The following CCDC38 variants were observed in gnomAD, a reference collection of about 807,000 sequenced individuals.
CCDC38 encodes the protein coiled-coil domain-containing protein 38.
Under a neutral mutation model 72.8 loss-of-function variants are expected in CCDC38, and 69 were observed. The ratio of observed to expected loss-of-function variants is 0.95; its 90% CI spans 0.78 to 1.16. CCDC38 has a LOEUF of 1.16. Among genes scored for constraint, CCDC38 ranks in the 50% most tolerant of loss-of-function variants. CCDC38 has a pLI of 0.00. For missense variants in CCDC38, 626 were observed against 638.9 expected (o/e 0.98, Z 0.22); for synonymous variants, 201 against 213.2 (o/e 0.94, Z 0.50).
chr12:95,927,115 T>G (rs1234719532), intron 2 of CCDC38, among the ~76,000 whole-genome samples: 1 of 152,134 alleles, frequency 6.6e-6, no homozygotes, highest in Non-Finnish European at 1.5e-5. Context: ...TTCTGTCTCA[T>G]TGATCTGTCT....
intron 10 of CCDC38, among the ~76,000 whole-genome samples, chr12:95,882,482 T>A (rs2079711839): frequency 6.6e-6 from 1 of 152,014 alleles, no homozygotes; most frequent in Non-Finnish European, 1.5e-5. Flanking sequence ...TCATGTTGAG[T>A]TTGAGGGGAC....
intron 2 of CCDC38, among the ~76,000 whole-genome samples, chr12:95,932,703 G>A (rs1004906715): frequency 1.3e-5 from 2 of 152,112 alleles, no homozygotes; most frequent in Non-Finnish European, 2.9e-5. Flanking sequence ...AATTCTCCAC[G>A]AATGATCAAT....
At chr12:95,867,247 G>C in intron 15 of CCDC38, 58 bp from the exon 16 acceptor site, 1 of 836,698 alleles carries the variant, frequency 1.2e-6, no homozygotes, top group Non-Finnish European at 2.0e-6. Context: ...ATTTTCTATT[G>C]AAATTTGTGA....
At chr12:95,932,890 A>G (rs1376887413) in intron 2 of CCDC38, among the ~76,000 whole-genome samples, 1 of 152,196 alleles carries the variant, frequency 6.6e-6, no homozygotes, top group African/African-American at 2.4e-5. Flanking sequence ...CAGTAAAGGG[A>G]AAGACAAATT....
rs772170372 is a variant in CCDC38 at position 95,878,236 on chromosome 12, A to G, written c.1253T>C (p.Phe418Ser). Residue 418 changes from phenylalanine (F) to serine (S), a missense_variant, in exon 13 of 16, where the codon TTT becomes TCT. Phe to Ser is a radical substitution (Grantham distance 155). Coordinates refer to ENST00000344280, the MANE Select transcript of CCDC38 (RefSeq NM_182496.3). The part of the protein sequence containing the change: ...ELQLKSKLFS[F>S]GEFNSDAQEI... The stretch of plus-strand genomic sequence containing the variant: ...CTGAGCATCTGAATTAAATTCTCCA[A>G]AGCTAAAGAGCTTGGACTTTAATTG... 1 of 1,613,480 alleles carries G rather than the reference A, an allele frequency of 6.2e-7. No individual in the cohort carries two copies. Among genetic ancestry groups the G allele is most frequent in the African/African-American group, 1.3e-5 (1 of 75,028 alleles).
intron 14 of CCDC38, 179 bp from the exon 15 acceptor site, chr12:95,869,752 A>G: frequency 3.7e-6 from 2 of 540,156 alleles, no homozygotes; most frequent in Non-Finnish European, 3.2e-6. Flanking sequence ...CTCGACAACA[A>G]ATACTATTTT....
In CCDC38 at chr12:95,873,312, A is replaced by G. The variant is rs183279331; in HGVS notation, c.1279-852T>C. Among the ~76,000 whole-genome samples the G allele has an allele frequency of 4.9e-4, 75 of 152,352 alleles. 1 individual carries two copies. Among genetic ancestry groups the G allele is most frequent in the Non-Finnish European group, 9.8e-4 (67 of 68,034 alleles). On this transcript the variant is annotated intron_variant, in intron 13 of 15. Coordinates refer to ENST00000344280, the MANE Select transcript of CCDC38 (RefSeq NM_182496.3). ...TGCTTTGCACATAACTACGCACTGA[A>G]TAAATGTTTGCTGAATAAATGACTA...
chr12:95,920,897 G>A (rs957776041), intron 2 of CCDC38, among the ~76,000 whole-genome samples: 2 of 152,152 alleles, frequency 1.3e-5, no homozygotes, highest in Non-Finnish European at 2.9e-5. Flanking sequence ...CGGAGGCCGA[G>A]GTGGGTGGAT....
At chr12:95,917,436 A>C in intron 3 of CCDC38, 142 bp from the exon 4 acceptor site, 1 of 644,618 alleles carries the variant, frequency 1.6e-6, no homozygotes, top group Non-Finnish European at 2.5e-6. Context: ...CTTTGAAGGA[A>C]TGTGTGTTGT....
At chr12:95,908,797 CTT>C (rs1358557082) in intron 4 of CCDC38, among the ~76,000 whole-genome samples, 1 of 151,798 alleles carries the variant, frequency 6.6e-6, no homozygotes. Flanking sequence ...TACCAAAGCT[CTT>C]AGGCAAAATC....
At position 95,895,096 on chromosome 12, in the gene CCDC38, A is replaced by G. The variant is rs2121467711; in HGVS notation, c.665T>C (p.Phe222Ser). Residue 222 changes from phenylalanine (F) to serine (S), a missense_variant, in exon 8 of 16, where the codon TTT becomes TCT. Phe to Ser is a radical substitution (Grantham distance 155). Transcript: ENST00000344280. ...FLLREYMKYG[F>S]FLLQMSPKHW... The stretch of plus-strand genomic sequence containing the variant: ...TTTTGGAGACATTTGCAGCAGAAAA[A>G]AACCATATTTCATATACTCCCTGAG... 6.2e-7 allele frequency: 1 copy of G among 1,612,948 alleles called. No homozygotes were observed. Among genetic ancestry groups the G allele is most frequent in the South Asian group, 1.1e-5 (1 of 90,676 alleles).
Position 95,879,696 on chromosome 12 carries a change from C to G in CCDC38, c.1090G>C (p.Asp364His), listed in dbSNP as rs1404690518. Residue 364 changes from aspartate to histidine, a missense_variant, in exon 12 of 16, where the codon GAT (aspartate) becomes CAT (histidine). Transcript: ENST00000344280. This position sits in a 1 kb window ranked among gnomAD's most constrained non-coding sequence, Gnocchi z 5.5. ...LTLFQYSQDV[D>H]ENLEEVNKRE... ...TTGTTTACCTCTTCAAGATTTTCAT[C>G]TACATCTTGGGAATATTGAAACAAA... 3.7e-6 allele frequency: 6 copies of G among 1,606,648 alleles called. No individual in the cohort carries two copies. Among genetic ancestry groups the G allele is most frequent in the Non-Finnish European group, 4.3e-6 (5 of 1,173,842 alleles).
intron 10 of CCDC38, among the ~76,000 whole-genome samples, chr12:95,886,714 G>T (rs1477876747): frequency 6.6e-6 from 1 of 152,170 alleles, no homozygotes; most frequent in Non-Finnish European, 1.5e-5. Flanking sequence ...GACAAGATGC[G>T]CAACATCATT....
chr12:95,906,474 CTTAAG>C (rs1206492755), intron 4 of CCDC38, 23 bp from the exon 5 acceptor site: 2 of 1,567,034 alleles, frequency 1.3e-6, no homozygotes, highest in Non-Finnish European at 1.8e-6. Flanking sequence ...TTGAAATAGA[CTTAAG>C]TTTAGTTCAT....
At chr12:95,943,108 T>C, upstream of CCDC38, 1 of 364,616 alleles carries the variant, frequency 2.7e-6, no homozygotes. Context: ...TAAGTTTCCT[T>C]ATCTGAAAAG....
intron 2 of CCDC38, chr12:95,933,667 T>C (rs1450584942): frequency 6.6e-6 from 1 of 152,246 alleles, no homozygotes; most frequent in African/African-American, 2.4e-5. Context: ...GATTCAGCAA[T>C]TCTATTCCTA....
At chr12:95,870,505 C>T (rs2079570025) in intron 14 of CCDC38, among the ~76,000 whole-genome samples, 2 of 152,142 alleles carry the variant, frequency 1.3e-5, no homozygotes, top group South Asian at 4.1e-4. Flanking sequence ...GTGTTAGGTG[C>T]CCCAAACCAT....
chr12:95,913,917 G>A (rs368568165), intron 4 of CCDC38, among the ~76,000 whole-genome samples: 14 of 151,568 alleles, frequency 9.2e-5, no homozygotes, highest in African/African-American at 2.4e-4. Flanking sequence ...CGTGAGCCAC[G>A]TTCATCAGAC....
At chr12:95,883,582 TTGCCCTCCCA>T (rs1235356507) in intron 10 of CCDC38, among the ~76,000 whole-genome samples, 1 of 152,188 alleles carries the variant, frequency 6.6e-6, no homozygotes, top group African/African-American at 2.4e-5. Flanking sequence ...GATCCTGCCC[TTGCCCTCCCA>T]TGCCCTCACC....
Sources: gnomAD v4.1 joint callset for allele counts (sites outside exome capture counted in the v4.1 genomes callset) on GRCh38, gnomAD v4.1.1 for gene constraint, Gnocchi (gnomAD v3.1) non-coding constraint, MANE v1.5 for transcripts, NCBI Gene and HGNC (gene_info 2026-07-23, HGNC 2026-07-21) for gene names.